UCHL5: variants seen among roughly 807,000 people sequenced by gnomAD.
The protein encoded by UCHL5 is ubiquitin carboxyl-terminal hydrolase isozyme L5.
A neutral mutation model predicts 53.8 loss-of-function variants in UCHL5; 34 were observed. That is an observed-to-expected ratio of 0.63 (90% CI 0.48 to 0.84). The LOEUF is 0.84. Ranked by LOEUF, UCHL5 falls within the 40% of genes least tolerant of loss-of-function variation. UCHL5 has a pLI of 0.00. For synonymous variants in UCHL5, 111 were observed against 126.3 expected (o/e 0.88, Z 0.81); for missense variants, 290 against 385.6 (o/e 0.75, Z 2.08).
intron 3 of UCHL5, among the ~76,000 whole-genome samples, chr1:193,031,782 A>C (rs140569648): frequency 6.6e-6 from 1 of 152,328 alleles, no homozygotes; most frequent in East Asian, 1.9e-4. Context: ...ACATAAAAAT[A>C]ATCTTATATA....
chr1:193,028,210 C>T (rs1264638516), intron 6 of UCHL5, 62 bp from the exon 7 acceptor site: 1 of 1,399,242 alleles, frequency 7.1e-7, no homozygotes, highest in Non-Finnish European at 9.6e-7. Context: ...CTTTAAAATG[C>T]AAAAGTTTGG....
At chr1:193,035,742 A>G (rs548116634) in intron 3 of UCHL5, among the ~76,000 whole-genome samples, 1 of 152,238 alleles carries the variant, frequency 6.6e-6, no homozygotes, top group African/African-American at 2.4e-5. Flanking sequence ...ACTCTGATAT[A>G]AAGCCCAAAA....
intron 3 of UCHL5, among the ~76,000 whole-genome samples, chr1:193,044,957 C>G (rs1392380291): frequency 1.3e-5 from 2 of 152,104 alleles, no homozygotes; most frequent in Non-Finnish European, 2.9e-5. Context: ...ATAAACACAA[C>G]TGGAATAATA....
At chr1:193,042,394 A>G (rs1444250565) in intron 3 of UCHL5, among the ~76,000 whole-genome samples, 1 of 152,154 alleles carries the variant, frequency 6.6e-6, no homozygotes, top group African/African-American at 2.4e-5. Context: ...ATAAAAGGAG[A>G]CCATGAATAA....
intron 1 of UCHL5, 139 bp from the exon 2 acceptor site, chr1:193,051,956 A>C: frequency 1.4e-4 from 81 of 582,744 alleles, no homozygotes; most frequent in East Asian, 3.9e-4. Context: ...GCCAAATCTC[A>C]TTACTCTCTT....
At chr1:193,022,655 G>C (rs1657514018) in intron 9 of UCHL5, among the ~76,000 whole-genome samples, 1 of 122,908 alleles carries the variant, frequency 8.1e-6, no homozygotes, top group African/African-American at 3.2e-5. Context: ...GACAGAGCGA[G>C]ACTCTGTCCA....
At chr1:193,056,417 T>A (rs1307852913) in intron 1 of UCHL5, among the ~76,000 whole-genome samples, 1 of 152,214 alleles carries the variant, frequency 6.6e-6, no homozygotes, top group Non-Finnish European at 1.5e-5. Context: ...TTTTCTACTT[T>A]CTTATTAAAA....
chr1:193,030,537 A>G (rs1660996593), intron 3 of UCHL5, among the ~76,000 whole-genome samples: 1 of 152,202 alleles, frequency 6.6e-6, no homozygotes, highest in Non-Finnish European at 1.5e-5. Context: ...CTGCCTAAGC[A>G]CCTATGGTAT....
chr1:193,025,080 GC>G (rs533956674), intron 7 of UCHL5, among the ~76,000 whole-genome samples: 6 of 151,994 alleles, frequency 3.9e-5, no homozygotes, highest in Non-Finnish European at 7.4e-5. Flanking sequence ...GTTTTTTTCT[GC>G]CTCATATATC....
At chr1:193,044,921 T>C (rs555187496) in intron 3 of UCHL5, among the ~76,000 whole-genome samples, 1 of 152,264 alleles carries the variant, frequency 6.6e-6, no homozygotes, top group East Asian at 1.9e-4. Context: ...AACAATGATA[T>C]GGGGAATCAC....
At chr1:193,059,370 A>G, upstream of UCHL5, 12 of 1,606,670 alleles carry the variant, frequency 7.5e-6, no homozygotes, top group Non-Finnish European at 1.0e-5. This position sits in a 1 kb window ranked among gnomAD's most constrained non-coding sequence, Gnocchi z 4.9. Flanking sequence ...CGTCAACCAC[A>G]CGTCACCCCG....
intron 2 of UCHL5, among the ~76,000 whole-genome samples, chr1:193,051,496 A>G (rs1669040717): frequency 6.6e-6 from 1 of 151,354 alleles, no homozygotes; most frequent in African/African-American, 2.4e-5. Context: ...AAAAAAAAAA[A>G]ATCAACTAAC....
chr1:193,017,605 G>A (rs1655306765), intron 10 of UCHL5, among the ~76,000 whole-genome samples: 1 of 151,532 alleles, frequency 6.6e-6, no homozygotes, highest in Admixed American at 6.6e-5. Flanking sequence ...ATAAAAGTAT[G>A]TGCTTCTTTC....
At chr1:193,046,094 T>A (rs956245735) in intron 3 of UCHL5, among the ~76,000 whole-genome samples, 2 of 152,174 alleles carry the variant, frequency 1.3e-5, no homozygotes, top group Non-Finnish European at 2.9e-5. Flanking sequence ...TACAGTGGCA[T>A]GACCATAGCT....
rs935174450 is a variant in UCHL5, at chr1:193,013,739, T to C, written c.*2612A>G. The C allele has an allele frequency of 6.6e-6, 1 of 152,164 alleles. No homozygotes were observed. Among genetic ancestry groups the C allele is most frequent in the African/African-American group, 2.4e-5 (1 of 41,440 alleles). The allele number at this position is 152,164 out of a possible 1,614,324, so 9.4% of individuals were successfully genotyped here. A position where few individuals can be genotyped will look rare whatever the true frequency, so the allele number is the denominator to read the frequency against. On this transcript the variant is annotated 3_prime_UTR_variant, in exon 11 of 11. Transcript: ENST00000367454. ...CGTTACAGGCAACTAGGAGGATTAA[T>C]TGAAAGTATTAATCTGCATGTAACA...
chr1:193,023,178 A>C (rs983390545), intron 8 of UCHL5, 142 bp from the exon 9 acceptor site: 1 of 610,214 alleles, frequency 1.6e-6, no homozygotes, highest in Non-Finnish European at 2.8e-6. Context: ...TAACAGCAGC[A>C]TTAAAGGATA....
upstream of UCHL5, chr1:193,059,567 C>A (rs770202512): frequency 1.3e-6 from 2 of 1,510,738 alleles, no homozygotes; most frequent in Non-Finnish European, 1.8e-6. The surrounding 1 kb of genome is among the most constrained non-coding windows in gnomAD (Gnocchi z 4.9). Context: ...CATCCGGGAT[C>A]CTCGCCCCTC....
chr1:193,046,772 A>T (rs935054641), intron 3 of UCHL5, among the ~76,000 whole-genome samples: 2 of 150,298 alleles, frequency 1.3e-5, no homozygotes, highest in Admixed American at 6.6e-5. Context: ...GTAAGCTTTC[A>T]ATAAATGTTA....
At chr1:193,018,739 TA>T in intron 10 of UCHL5, 3 of 1,482,396 alleles carry the variant, frequency 2.0e-6, no homozygotes, top group Non-Finnish European at 2.7e-6. Flanking sequence ...CAGCATATAG[TA>T]GCACTGCATG....
Sources: allele counts gnomAD v4.1 joint callset (sites outside exome capture counted in the v4.1 genomes callset), GRCh38; gene constraint gnomAD v4.1.1; non-coding constraint Gnocchi (gnomAD v3.1); transcripts MANE v1.5; gene names NCBI Gene and HGNC (gene_info 2026-07-23, HGNC 2026-07-21).